The following RYR2 variants were observed in gnomAD, a reference collection of about 807,000 sequenced individuals.
RYR2 encodes ryanodine receptor 2, also known as cardiac muscle ryanodine receptor-calcium release channel.
A neutral mutation model predicts 601.1 loss-of-function variants in RYR2; 227 were observed. The observed-to-expected ratio is 0.38, with a 90% CI of 0.34 to 0.42. The LOEUF (loss-of-function observed/expected upper bound fraction) is 0.42. RYR2 is among the 10% of genes least tolerant of loss of function. RYR2 has a pLI of 1.00. For synonymous variants in RYR2, 2,223 were observed against 2,175.1 expected, an observed-to-expected ratio of 1.02 and a Z score of -0.61; for missense variants, 4,646 against 6,156.5, an observed-to-expected ratio of 0.75 and a Z score of 8.21.
At chr1:237,116,502 C>T (rs1670095050) in intron 1 of RYR2, among the ~76,000 whole-genome samples, 1 of 152,062 alleles carries the variant, frequency 6.6e-6, no homozygotes, top group African/African-American at 2.4e-5. Context: ...TATCTATTTG[C>T]TTACACACAC....
intron 24 of RYR2, among the ~76,000 whole-genome samples, chr1:237,526,962 T>C (rs1667653947): frequency 6.6e-6 from 1 of 152,194 alleles, no homozygotes; most frequent in African/African-American, 2.4e-5. Context: ...TTAATCCATC[T>C]TGAGTTAATT....
intron 3 of RYR2, among the ~76,000 whole-genome samples, chr1:237,336,771 C>T (rs539471995): frequency 4.6e-5 from 7 of 151,812 alleles, no homozygotes; most frequent in African/African-American, 9.7e-5. Flanking sequence ...GCAAGAGAAT[C>T]GCTTGAACCC....
At chr1:237,700,510 A>G (rs371993209) in intron 65 of RYR2, 43 bp downstream of exon 65, 5 of 955,830 alleles carry the variant, frequency 5.2e-6, no homozygotes, top group Admixed American at 2.3e-5. Flanking sequence ...TTTTAATCGA[A>G]ATACCCTGTA....
chr1:237,757,828 A>G (rs1693085462), intron 82 of RYR2, 52 bp downstream of exon 82: 6 of 1,098,728 alleles, frequency 5.5e-6, no homozygotes, highest in Admixed American at 3.5e-5. Flanking sequence ...AATGGACCAT[A>G]TAGTAAAGAA....
chr1:237,686,402 G>A (rs1255351937), intron 62 of RYR2, among the ~76,000 whole-genome samples: 1 of 152,182 alleles, frequency 6.6e-6, no homozygotes, highest in African/African-American at 2.4e-5. Context: ...ACCTCTTGCA[G>A]CCTGGGTTGG....
chr1:237,071,532 G>A (rs1039699927), intron 1 of RYR2, among the ~76,000 whole-genome samples: 3 of 152,138 alleles, frequency 2.0e-5, no homozygotes, highest in Admixed American at 6.5e-5. Flanking sequence ...CCGAGTCCAG[G>A]GTTTTTATGG....
In RYR2 at chr1:237,736,440, C is replaced by T. The variant is rs553645699; in HGVS notation, c.11091+2684C>T. 1.2e-4 allele frequency among the ~76,000 whole-genome samples: 15 copies of T among 130,348 alleles called. No homozygotes were observed. In the East Asian group the frequency reaches 3.3e-3, roughly 28 times the overall value. The allele number at this position is 130,348 out of a possible 152,430, so 85.5% of individuals were successfully genotyped here. On this transcript the variant is annotated intron_variant, in intron 79 of 104. Coordinates refer to ENST00000366574, the MANE Select transcript of RYR2 (RefSeq NM_001035.3). ...TTGCACCACTGCACTCCAGGCTGGG[C>T]GATGGAGTGAGAGTCCGTTTCAAAA...
chr1:237,488,819 C>A (rs1412984952), intron 17 of RYR2, among the ~76,000 whole-genome samples: 1 of 152,194 alleles, frequency 6.6e-6, no homozygotes, highest in Non-Finnish European at 1.5e-5. Context: ...TCAGACTCAG[C>A]CCGCCTGCAC....
At position 237,551,062 on chromosome 1, in the gene RYR2, A is replaced by T. The variant is rs1438421244; in HGVS notation, c.3214+371A>T. On this transcript the variant is annotated intron_variant, in intron 27 of 104. Coordinates refer to ENST00000366574, the MANE Select transcript of RYR2 (RefSeq NM_001035.3). ...GTAGTGGAGGCTAGTGTTTTACAAA[A>T]TCCCACCTTCATCATTTACACACAC... Among the ~76,000 whole-genome samples, 4 of 152,188 alleles carry T rather than the reference A, an allele frequency of 2.6e-5. No individual in the cohort carries two copies. The East Asian group carries it at 7.7e-4, about 29-fold the overall frequency.
intron 87 of RYR2, 131 bp from the exon 88 acceptor site, chr1:237,778,535 C>A (rs1236603272): frequency 8.6e-6 from 4 of 463,122 alleles, no homozygotes; most frequent in Non-Finnish European, 1.6e-5. Context: ...ACTTTGAGTT[C>A]CTATCTTTTC....
chr1:237,758,703 G>A (rs553162563), intron 82 of RYR2, among the ~76,000 whole-genome samples: 1 of 152,236 alleles, frequency 6.6e-6, no homozygotes, highest in South Asian at 2.1e-4. Context: ...ATTGATAACA[G>A]GAATTGTTCT....
chr1:237,758,881 A>C (rs1274057916), intron 82 of RYR2, among the ~76,000 whole-genome samples: 1 of 152,192 alleles, frequency 6.6e-6, no homozygotes, highest in Non-Finnish European at 1.5e-5. Context: ...AAGACAAAGC[A>C]TTGCTTTAGC....
rs181517724 is a variant in RYR2 at position 237,148,409 on chromosome 1, G to A, written c.48+105840G>A. 9.3e-4 allele frequency among the ~76,000 whole-genome samples: 141 copies of A among 151,290 alleles called. No individual in the cohort carries two copies. The East Asian group carries it at 0.019, about 20-fold the overall frequency. On this transcript the variant is annotated intron_variant, in intron 1 of 104. Coordinates refer to ENST00000366574, the MANE Select transcript of RYR2 (RefSeq NM_001035.3). ...AGGACAAATACCTAATGCATGTGGG[G>A]CTTCAAACCTAGATGACGGGTTGAT...
intron 27 of RYR2, among the ~76,000 whole-genome samples, chr1:237,554,351 A>G (rs1273952508): frequency 6.6e-6 from 1 of 151,954 alleles, no homozygotes; most frequent in African/African-American, 2.4e-5. Flanking sequence ...CTCTTCAGTC[A>G]TGATGCATTG....
At chr1:237,592,571 T>C (rs2148451380) in intron 32 of RYR2, among the ~76,000 whole-genome samples, 1 of 150,516 alleles carries the variant, frequency 6.6e-6, no homozygotes, top group South Asian at 2.1e-4. Context: ...AGACAGAGGT[T>C]GCAGTGAGCC....
At chr1:237,662,424 C>G (rs1459865932) in intron 56 of RYR2, among the ~76,000 whole-genome samples, 1 of 151,120 alleles carries the variant, frequency 6.6e-6, no homozygotes, top group Non-Finnish European at 1.5e-5. Flanking sequence ...TCTACTACAA[C>G]ATGGTATGGT....
intron 1 of RYR2, among the ~76,000 whole-genome samples, chr1:237,092,124 A>G (rs990214389): frequency 5.9e-5 from 9 of 152,308 alleles, no homozygotes; most frequent in Admixed American, 5.2e-4. Context: ...CTGATTTCAG[A>G]GGGAAAGCAT....
At chr1:237,308,105 G>C (rs1694077786) in intron 2 of RYR2, among the ~76,000 whole-genome samples, 1 of 152,094 alleles carries the variant, frequency 6.6e-6, no homozygotes, top group Non-Finnish European at 1.5e-5. Context: ...TGTTTATTAT[G>C]GTTAAGGGAA....
At chr1:237,151,847 A>C (rs1674738721) in intron 1 of RYR2, among the ~76,000 whole-genome samples, 1 of 151,976 alleles carries the variant, frequency 6.6e-6, no homozygotes, top group Non-Finnish European at 1.5e-5. Context: ...TTTTCTTTTT[A>C]AATTTTACTT....
Sources: allele counts gnomAD v4.1 joint callset (sites outside exome capture counted in the v4.1 genomes callset), GRCh38; gene constraint gnomAD v4.1.1; transcripts MANE v1.5; gene names NCBI Gene and HGNC (gene_info 2026-07-23, HGNC 2026-07-21).